The following MARK3 variants were observed in gnomAD, a reference collection of about 807,000 sequenced individuals.
The protein encoded by MARK3 is microtubule affinity regulating kinase 3.
In MARK3, 46 loss-of-function variants were observed where a neutral mutation model predicts 90.1. That is an observed-to-expected ratio of 0.51 (90% CI 0.40 to 0.65). MARK3 has a LOEUF of 0.65. MARK3 is among the 30% of genes least tolerant of loss of function. MARK3 has a pLI of 0.00. For synonymous variants in MARK3, 321 were observed against 332.6 expected, an observed-to-expected ratio of 0.97 and a Z score of 0.38; for missense variants, 818 against 947.2, an observed-to-expected ratio of 0.86 and a Z score of 1.79.
intron 13 of MARK3, among the ~76,000 whole-genome samples, chr14:103,479,789 C>G (rs2093786401): frequency 6.6e-6 from 1 of 151,942 alleles, no homozygotes. Flanking sequence ...TACAGGCATG[C>G]ACCACCACAG....
intron 3 of MARK3, among the ~76,000 whole-genome samples, chr14:103,431,736 C>T (rs559981712): frequency 6.6e-6 from 1 of 152,266 alleles, no homozygotes; most frequent in Non-Finnish European, 1.5e-5. Flanking sequence ...AGTGGCTTTG[C>T]TATTAGAGCC....
At chr14:103,386,599 C>T (rs553846007) in intron 1 of MARK3, among the ~76,000 whole-genome samples, 6 of 152,326 alleles carry the variant, frequency 3.9e-5, no homozygotes, top group African/African-American at 1.4e-4. Flanking sequence ...ACTGAGGGAT[C>T]TTTGCGGTCC....
At chr14:103,412,103 T>A in intron 2 of MARK3, 1 of 846,252 alleles carries the variant, frequency 1.2e-6, no homozygotes, top group Non-Finnish European at 1.6e-6. Context: ...AGCAGTAGAA[T>A]CTTTTCAAAT....
At chr14:103,440,150 T>C (rs2092815582) in intron 3 of MARK3, among the ~76,000 whole-genome samples, 1 of 152,232 alleles carries the variant, frequency 6.6e-6, no homozygotes, top group Non-Finnish European at 1.5e-5. Context: ...TCACCTTCAC[T>C]GCTATGTCCA....
intron 2 of MARK3, among the ~76,000 whole-genome samples, chr14:103,408,029 T>C (rs2091418149): frequency 6.6e-6 from 1 of 152,176 alleles, no homozygotes; most frequent in Admixed American, 6.5e-5. Context: ...ATGGCACAAT[T>C]TACATTGTAT....
rs34312214 is a variant in MARK3 at position 103,485,063 on chromosome 14, CA to C, written c.1586+4590del. On this transcript the variant is annotated intron_variant, in intron 14 of 17. Transcript: ENST00000429436. Reference sequence around the variant, plus strand: ...AGAAACCCCATCTCTACTAAAAATACAAAAAAAAAAAAAAAAATTAGCCAGG... The same window carrying C: ...AGAAACCCCATCTCTACTAAAAATACAAAAAAAAAAAAAAAATTAGCCAGG... Among the ~76,000 whole-genome samples, 158 of 97,740 alleles carry C rather than the reference CA, an allele frequency of 1.6e-3. 2 individuals are homozygous for C. Among genetic ancestry groups the C allele is most frequent in the African/African-American group, 3.1e-3 (77 of 24,580 alleles). 64.1% of individuals were successfully genotyped at this position (97,740 alleles called of 152,430 possible). A position where few individuals can be genotyped will look rare whatever the true frequency, so the allele number is the denominator to read the frequency against.
At chr14:103,455,126 T>C (rs10135077) in intron 5 of MARK3, among the ~76,000 whole-genome samples, 1,663 of 152,300 alleles carry the variant, frequency 0.011, 30 homozygotes, top group African/African-American at 0.038. Context: ...TTGTATTGAA[T>C]TCAAATTTAG....
At position 103,428,370 on chromosome 14, in the gene MARK3, T is replaced by C; in HGVS notation, c.244-17T>C. On this transcript the variant is annotated splice_polypyrimidine_tract_variant and intron_variant, in intron 2 of 17. Coordinates refer to ENST00000429436, the MANE Select transcript of MARK3 (RefSeq NM_001128918.3). ...ACTAAATTCTTAAAATCCATAAATA[T>C]TTATTATTCTTTCTAGGTTGCAATA... The C allele has an allele frequency of 1.5e-6, 2 of 1,293,238 alleles. No homozygotes were observed. Among genetic ancestry groups the C allele is most frequent in the South Asian group, 1.4e-5 (1 of 72,508 alleles). 80.1% of individuals were successfully genotyped at this position (1,293,238 alleles called of 1,614,324 possible). A position where few individuals can be genotyped will look rare whatever the true frequency, so the allele number is the denominator to read the frequency against.
At position 103,491,836 on chromosome 14, in the gene MARK3, C is replaced by T; in HGVS notation, c.1646C>T (p.Thr549Ile). Residue 549 changes from threonine (T) to isoleucine (I), a missense_variant, in exon 15 of 18, where the codon ACC (threonine) becomes ATC (isoleucine). Thr to Ile is a moderately conservative substitution (Grantham distance 89, BLOSUM62 -1). Around this residue, in one of 3 missense-constraint regions of MARK3, gnomAD observed 560 missense variants for 613.5 expected, o/e 0.91. Coordinates refer to ENST00000429436, the MANE Select transcript of MARK3 (RefSeq NM_001128918.3). ...ACACACAGTATCAGTAGTGCAGCCACCCCAGATCGAATCCGCTTCCCAAGA... is the reference window on the plus strand; with the variant it reads ...ACACACAGTATCAGTAGTGCAGCCATCCCAGATCGAATCCGCTTCCCAAGA... ...ASTHSISSAATPDRIRFPRGT... is the reference protein window; with the variant it reads ...ASTHSISSAAIPDRIRFPRGT... The T allele has an allele frequency of 6.2e-7, 1 of 1,614,170 alleles. No homozygotes were observed. Among genetic ancestry groups the T allele is most frequent in the South Asian group, 1.1e-5 (1 of 91,082 alleles).
At chr14:103,454,497 G>A (rs187873764) in intron 5 of MARK3, among the ~76,000 whole-genome samples, 46 of 152,280 alleles carry the variant, frequency 3.0e-4, no homozygotes, top group African/African-American at 1.0e-3. Flanking sequence ...TGATCCACCT[G>A]CCTTGGCCTC....
In MARK3 at chr14:103,493,441, T is replaced by C. The variant is rs1029683510; in HGVS notation, c.1844+1407T>C. On this transcript the variant is annotated intron_variant, in intron 15 of 17. Coordinates refer to ENST00000429436, the MANE Select transcript of MARK3 (RefSeq NM_001128918.3). Reference sequence around the variant, plus strand: ...CCTCTTACTCACTTCTTAGCCCCTTTATTAAGCCACCTCATTTTAAACTGG... The same window carrying C: ...CCTCTTACTCACTTCTTAGCCCCTTCATTAAGCCACCTCATTTTAAACTGG... Among the ~76,000 whole-genome samples the C allele has an allele frequency of 1.2e-4, 18 of 151,936 alleles. 1 individual carries two copies. The highest frequency in any genetic ancestry group is 3.9e-4 in the Admixed American group (6 of 15,254).
At chr14:103,403,223 A>G (rs938385622) in intron 1 of MARK3, among the ~76,000 whole-genome samples, 2 of 152,142 alleles carry the variant, frequency 1.3e-5, no homozygotes, top group Admixed American at 6.6e-5. Context: ...AATTCAGTGA[A>G]TATGTTTTCA....
At chr14:103,491,415 G>A (rs992248711) in intron 14 of MARK3, 3 of 215,342 alleles carry the variant, frequency 1.4e-5, no homozygotes, top group East Asian at 2.5e-4. Flanking sequence ...CTTCAGTTAC[G>A]CCAGCATATC....
chr14:103,464,482 T>C (rs564639141), intron 7 of MARK3, among the ~76,000 whole-genome samples: 8 of 150,966 alleles, frequency 5.3e-5, no homozygotes, highest in Admixed American at 2.0e-4. Flanking sequence ...GTATTTTTAG[T>C]AGAGATGGGG....
chr14:103,416,202 A>G (rs540631036), intron 2 of MARK3, among the ~76,000 whole-genome samples: 1 of 152,368 alleles, frequency 6.6e-6, no homozygotes, highest in Admixed American at 6.5e-5. Flanking sequence ...CACACATATA[A>G]TATAATGTAT....
chr14:103,463,302 T>G (rs1478559324), intron 7 of MARK3, among the ~76,000 whole-genome samples: 3 of 152,190 alleles, frequency 2.0e-5, no homozygotes, highest in Non-Finnish European at 4.4e-5. Context: ...TAATTGCCAT[T>G]GACTTGCTTG....
intron 12 of MARK3, 58 bp downstream of exon 12, chr14:103,468,244 C>A (rs2093553022): frequency 6.9e-7 from 1 of 1,443,244 alleles, no homozygotes; most frequent in Non-Finnish European, 9.5e-7. Flanking sequence ...GGTCTCCTAG[C>A]ACTGGGAAGC....
At chr14:103,398,027 T>C (rs1423741050) in intron 1 of MARK3, among the ~76,000 whole-genome samples, 8 of 152,224 alleles carry the variant, frequency 5.3e-5, no homozygotes, top group Admixed American at 1.3e-4. Context: ...ATATTACATA[T>C]GTCTTATCTG....
At chr14:103,433,093 C>CTTTTT (rs1285320294) in intron 3 of MARK3, among the ~76,000 whole-genome samples, 3 of 118,034 alleles carry the variant, frequency 2.5e-5, no homozygotes, top group African/African-American at 8.7e-5. Context: ...CTTTTCTTTT[C>CTTTTT]TTTTTTTTTT....
Sources: gnomAD v4.1 joint callset for allele counts (sites outside exome capture counted in the v4.1 genomes callset) on GRCh38, gnomAD v4.1.1 for gene constraint, gnomAD v4.1.1 regional missense constraint, MANE v1.5 for transcripts, NCBI Gene and HGNC (gene_info 2026-07-23, HGNC 2026-07-21) for gene names.